WNT4: variants seen among roughly 807,000 people sequenced by gnomAD.
WNT4 encodes the protein Wnt family member 4.
WNT4 carries 16 observed loss-of-function variants against 34.5 expected under a neutral mutation model. The ratio of observed to expected loss-of-function variants is 0.46; its 90% CI spans 0.31 to 0.70. The LOEUF (loss-of-function observed/expected upper bound fraction) is 0.70, where lower values mean the gene tolerates loss of function less well. Among genes scored for constraint, WNT4 ranks in the 30% least tolerant of loss-of-function variants. The pLI, the probability that WNT4 is intolerant of heterozygous loss-of-function variation, is 0.04. For missense variants in WNT4, 379 were observed against 495.9 expected (o/e 0.76, Z 2.24); for synonymous variants, 200 against 211.9 (o/e 0.94, Z 0.49).
At chr1:22,133,951 C>T (rs1646002619) in intron 1 of WNT4, among the ~76,000 whole-genome samples, 2 of 152,266 alleles carry the variant, frequency 1.3e-5, no homozygotes, top group South Asian at 4.1e-4. Context: ...CAAGCTTTTC[C>T]AGGTTTGCTT....
intron 1 of WNT4, among the ~76,000 whole-genome samples, chr1:22,138,705 T>C (rs1646041915): frequency 6.6e-6 from 1 of 152,100 alleles, no homozygotes; most frequent in African/African-American, 2.4e-5. Flanking sequence ...AGGGATCTTT[T>C]AAAGCTGGGA....
At position 22,142,379 on chromosome 1, in the gene WNT4, C is replaced by G. The variant is rs1345760328; in HGVS notation, c.77+467G>C. Among the ~76,000 whole-genome samples, 3 of 151,448 alleles carry G rather than the reference C, an allele frequency of 2.0e-5. No individual in the cohort carries two copies. The highest frequency in any genetic ancestry group is 3.0e-5 in the Non-Finnish European group (2 of 67,772). On this transcript the variant is annotated intron_variant, in intron 1 of 4. Transcript: ENST00000290167. This position sits in a 1 kb window ranked among gnomAD's most constrained non-coding sequence, Gnocchi z 6.0. ...GTCCCTGCACGCCTCCAGCCCAGCCCGCAGCGCGGCGCAGCTCGGCGCAGC... is the reference window on the plus strand; with the variant it reads ...GTCCCTGCACGCCTCCAGCCCAGCCGGCAGCGCGGCGCAGCTCGGCGCAGC...
chr1:22,142,764 G>T lies in WNT4; in HGVS notation c.77+82C>A. ...CCTGCCGGGCTGCCCCGCGCCCGCT[G>T]CCCCGCGCCGCCTGGCACCGGCCGC... On this transcript the variant is annotated intron_variant, in intron 1 of 4. Coordinates refer to ENST00000290167, the MANE Select transcript of WNT4 (RefSeq NM_030761.5). This position sits in a 1 kb window ranked among gnomAD's most constrained non-coding sequence, Gnocchi z 6.0. 1 of 927,044 alleles carries T rather than the reference G, an allele frequency of 1.1e-6. No homozygotes were observed. The highest frequency in any genetic ancestry group is 1.3e-6 in the Non-Finnish European group (1 of 778,254). The allele number at this position is 927,044 out of a possible 1,614,324, so 57.4% of individuals were successfully genotyped here. A position where few individuals can be genotyped will look rare whatever the true frequency, so the allele number is the denominator to read the frequency against.
At chr1:22,125,233 G>A (rs1293285867) in intron 2 of WNT4, among the ~76,000 whole-genome samples, 4 of 152,036 alleles carry the variant, frequency 2.6e-5, no homozygotes, top group Non-Finnish European at 4.4e-5. Flanking sequence ...GTCAGAATCA[G>A]GATGTCCCCC....
At chr1:22,127,596 A>G (rs1409309020) in intron 2 of WNT4, 1 of 405,280 alleles carries the variant, frequency 2.5e-6, no homozygotes, top group African/African-American at 2.1e-5. Context: ...AAGGTGTGCT[A>G]GAAGCAGTGT....
Position 22,143,025 on chromosome 1 carries a change from G to C in WNT4, c.-103C>G. 3.0e-5 allele frequency: 12 copies of C among 402,626 alleles called. No homozygotes were observed. Among genetic ancestry groups the C allele is most frequent in the Non-Finnish European group, 3.7e-5 (11 of 301,270 alleles). 24.9% of individuals were successfully genotyped at this position (402,626 alleles called of 1,614,324 possible). A position where few individuals can be genotyped will look rare whatever the true frequency, so the allele number is the denominator to read the frequency against. On this transcript the variant is annotated 5_prime_UTR_variant, in exon 1 of 5. Transcript: ENST00000290167. ...CCGCGGGCGGGCCGGGGCGCGCGCGGCGGGGCTCTGCCTCCGTGTGCCTGC... is the reference window on the plus strand; with the variant it reads ...CCGCGGGCGGGCCGGGGCGCGCGCGCCGGGGCTCTGCCTCCGTGTGCCTGC...
rs1164341760 is a variant in WNT4 at position 22,117,388 on chromosome 1, T to C, written c.*2662A>G. On this transcript the variant is annotated 3_prime_UTR_variant, in exon 5 of 5. Transcript: ENST00000290167. ...AATGGCAAAGAGCCTAGTATAAAAA[T>C]TGGAGGATGGGGTGGGGCAGCAGAG... is the stretch of plus-strand genomic sequence containing the variant. 1 of 152,214 alleles carries C rather than the reference T, an allele frequency of 6.6e-6. No individual in the cohort carries two copies. Among genetic ancestry groups the C allele is most frequent in the Non-Finnish European group, 1.5e-5 (1 of 68,034 alleles). The allele number at this position is 152,214 out of a possible 1,614,324, so 9.4% of individuals were successfully genotyped here.
In WNT4 at chr1:22,125,127, C is replaced by G. The variant is rs185711195; in HGVS notation, c.314-3551G>C. Among the ~76,000 whole-genome samples the G allele has an allele frequency of 9.2e-3, 1,407 of 152,308 alleles. 8 individuals are homozygous for G. Among genetic ancestry groups the G allele is most frequent in the Non-Finnish European group, 0.013 (917 of 68,026 alleles). On this transcript the variant is annotated intron_variant, in intron 2 of 4. Coordinates refer to ENST00000290167, the MANE Select transcript of WNT4 (RefSeq NM_030761.5). ...TAGCAGTGTGACCTTTCTTTCTGAG[C>G]CTTCCTGAGTTGAGTGTTCTCGACT...
intron 1 of WNT4, among the ~76,000 whole-genome samples, chr1:22,132,909 A>G (rs766898605): frequency 6.6e-6 from 1 of 152,126 alleles, no homozygotes; most frequent in Non-Finnish European, 1.5e-5. Context: ...AGGGCTGGAA[A>G]TGGAACCGGG....
intron 2 of WNT4, among the ~76,000 whole-genome samples, chr1:22,129,227 G>T (rs574933235): frequency 6.6e-6 from 1 of 152,118 alleles, no homozygotes; most frequent in Non-Finnish European, 1.5e-5. Context: ...AGAGCCTCGG[G>T]TCTGAGCCCT....
In WNT4 at chr1:22,121,315, C is replaced by T. The variant is rs1444800604; in HGVS notation, c.484G>A (p.Gly162Ser). The T allele has an allele frequency of 2.5e-6, 4 of 1,614,066 alleles. No homozygotes were observed. Among genetic ancestry groups the T allele is most frequent in the South Asian group, 1.1e-5 (1 of 91,092 alleles). The change falls in exon 4 of 5, where the codon GGT (glycine) becomes AGT (serine). Residue 162 changes from glycine to serine, a missense_variant. Transcript: ENST00000290167. ...WSGCSDNIAY[G>S]VAFSQSFVDV... Reference sequence around the variant, plus strand: ...ACAAACGACTGTGAGAAGGCCACACCGTAGGCGATGTTGTCAGAGCATCCT... The same window carrying T: ...ACAAACGACTGTGAGAAGGCCACACTGTAGGCGATGTTGTCAGAGCATCCT...
At chr1:22,128,677 G>A (rs1051338312) in intron 2 of WNT4, among the ~76,000 whole-genome samples, 1 of 152,042 alleles carries the variant, frequency 6.6e-6, no homozygotes, top group African/African-American at 2.4e-5. Context: ...CTGGGAGCGG[G>A]ACGGCCTGGG....
At chr1:22,136,613 G>C (rs1014760663) in intron 1 of WNT4, among the ~76,000 whole-genome samples, 9 of 152,190 alleles carry the variant, frequency 5.9e-5, no homozygotes, top group African/African-American at 2.2e-4. Context: ...TAACTGGCTG[G>C]GGGTACAGGG....
At chr1:22,135,134 G>A (rs12727309) in intron 1 of WNT4, among the ~76,000 whole-genome samples, 15,410 of 152,216 alleles carry the variant, frequency 0.1, 902 homozygotes, top group Middle Eastern at 0.15. Flanking sequence ...CTGGGGTGAG[G>A]GCAGGGACAG....
chr1:22,125,300 C>T (rs1436941457), intron 2 of WNT4, among the ~76,000 whole-genome samples: 1 of 152,066 alleles, frequency 6.6e-6, no homozygotes, highest in Non-Finnish European at 1.5e-5. Flanking sequence ...CAAGGCATTC[C>T]TAGTCTGGGA....
chr1:22,133,095 G>A (rs1192406372), intron 1 of WNT4, among the ~76,000 whole-genome samples: 2 of 152,128 alleles, frequency 1.3e-5, no homozygotes, highest in African/African-American at 4.8e-5. Context: ...GAGCTGCAGT[G>A]CAAACCCAGC....
In WNT4 at chr1:22,130,514, C is replaced by A. The variant is rs375708112; in HGVS notation, c.78-663G>T. 1.8e-4 allele frequency among the ~76,000 whole-genome samples: 28 copies of A among 152,360 alleles called. No individual in the cohort carries two copies. In the East Asian group the frequency reaches 4.6e-3, roughly 25 times the overall value. On this transcript the variant is annotated intron_variant, in intron 1 of 4. Coordinates refer to ENST00000290167, the MANE Select transcript of WNT4 (RefSeq NM_030761.5). ...CAAGTGCAGCATGCTCTCCCTCCCC[C>A]AGGGGCTTGCCCAGCACACTGAGTC...
chr1:22,142,800 G>C lies in WNT4; in HGVS notation c.77+46C>G, dbSNP rs948036201. On this transcript the variant is annotated intron_variant, in intron 1 of 4. Transcript: ENST00000290167. The surrounding 1 kb of genome is among the most constrained non-coding windows in gnomAD (Gnocchi z 6.0). ...CCTGGCACCGGCCGCTGCCCCCGGG[G>C]CCTGCCCCGCCCCGCCCCGCCCCGC... is the stretch of plus-strand genomic sequence containing the variant. 4 of 1,113,106 alleles carry C rather than the reference G, an allele frequency of 3.6e-6. No homozygotes were observed. The highest frequency in any genetic ancestry group is 1.1e-6 in the Non-Finnish European group (1 of 893,056). 69.0% of individuals were successfully genotyped at this position (1,113,106 alleles called of 1,614,324 possible).
chr1:22,124,003 C>T (rs1370622045), intron 2 of WNT4, among the ~76,000 whole-genome samples: 1 of 152,244 alleles, frequency 6.6e-6, no homozygotes, highest in African/African-American at 2.4e-5. Flanking sequence ...CCTTCTCTAC[C>T]TGGTTCTGGT....
Sources: gnomAD v4.1 joint callset for allele counts (sites outside exome capture counted in the v4.1 genomes callset) on GRCh38, gnomAD v4.1.1 for gene constraint, Gnocchi (gnomAD v3.1) non-coding constraint, MANE v1.5 for transcripts, NCBI Gene and HGNC (gene_info 2026-07-23, HGNC 2026-07-21) for gene names.